Variants in CNGB3 observed in about 807,000 individuals in gnomAD.
CNGB3 encodes cyclic nucleotide gated channel subunit beta 3, also known as cyclic nucleotide-gated channel beta-3.
CNGB3 carries 86 observed loss-of-function variants against 92.8 expected under a neutral mutation model. That is an observed-to-expected ratio of 0.93 (90% CI 0.78 to 1.11). CNGB3 has a LOEUF of 1.11. Ranked by LOEUF, CNGB3 falls within the 50% of genes least tolerant of loss-of-function variation. The pLI is 0.00. For missense variants in CNGB3, 1,026 were observed against 956.8 expected (o/e 1.07, Z -0.95); for synonymous variants, 333 against 332.7 (o/e 1.00, Z -0.01).
chr8:86,681,756 T>G (rs1050976033), intron 3 of CNGB3, among the ~76,000 whole-genome samples: 6 of 152,216 alleles, frequency 3.9e-5, no homozygotes, highest in African/African-American at 1.4e-4. Flanking sequence ...AACATTAGAT[T>G]GGCTTCAGAT....
intron 7 of CNGB3, among the ~76,000 whole-genome samples, chr8:86,648,449 G>C (rs780223115): frequency 4.6e-5 from 7 of 151,198 alleles, no homozygotes; most frequent in South Asian, 2.1e-4. Flanking sequence ...CAGGCTGAGA[G>C]AGGAGAGCAA....
At chr8:86,710,085 T>G (rs1379077176) in intron 3 of CNGB3, among the ~76,000 whole-genome samples, 1 of 152,162 alleles carries the variant, frequency 6.6e-6, no homozygotes, top group African/African-American at 2.4e-5. Context: ...AATCTCTTCC[T>G]TTCTTGTAAA....
At chr8:86,653,649 A>G (rs1364452434) in intron 7 of CNGB3, among the ~76,000 whole-genome samples, 1 of 152,142 alleles carries the variant, frequency 6.6e-6, no homozygotes, top group Non-Finnish European at 1.5e-5. Flanking sequence ...AGAACAAGAA[A>G]GAAGCGGGAG....
chr8:86,624,397 C>A (rs1197851315), intron 13 of CNGB3, among the ~76,000 whole-genome samples: 1 of 152,142 alleles, frequency 6.6e-6, no homozygotes, highest in Non-Finnish European at 1.5e-5. Context: ...CCAGCCTGGA[C>A]AACAGAGCAA....
chr8:86,693,776 C>T (rs1391210404), intron 3 of CNGB3, among the ~76,000 whole-genome samples: 2 of 151,778 alleles, frequency 1.3e-5, no homozygotes, highest in Non-Finnish European at 2.9e-5. Context: ...GGTCACAGAT[C>T]AACAGGATCC....
chr8:86,615,218 A>G (rs2131570471), intron 13 of CNGB3, among the ~76,000 whole-genome samples: 1 of 152,270 alleles, frequency 6.6e-6, no homozygotes, highest in Non-Finnish European at 1.5e-5. Flanking sequence ...ATTTTTTTCA[A>G]TACTGAAAAA....
At chr8:86,597,811 C>A (rs1010975382) in intron 15 of CNGB3, among the ~76,000 whole-genome samples, 1 of 151,992 alleles carries the variant, frequency 6.6e-6, no homozygotes, top group African/African-American at 2.4e-5. Context: ...GAAACCCCGT[C>A]TCTACAAAAA....
intron 2 of CNGB3, among the ~76,000 whole-genome samples, chr8:86,728,081 C>T (rs907147369): frequency 3.3e-5 from 5 of 152,108 alleles, no homozygotes; most frequent in Non-Finnish European, 7.4e-5. Flanking sequence ...ATTCATTACG[C>T]ATCTCCTATC....
intron 3 of CNGB3, among the ~76,000 whole-genome samples, chr8:86,678,210 C>T (rs1173964977): frequency 6.6e-6 from 1 of 152,156 alleles, no homozygotes; most frequent in Non-Finnish European, 1.5e-5. Flanking sequence ...AAAAAAATCT[C>T]ACTTTACATA....
intron 3 of CNGB3, among the ~76,000 whole-genome samples, chr8:86,685,816 A>G (rs1020844681): frequency 3.3e-5 from 5 of 152,132 alleles, no homozygotes; most frequent in Non-Finnish European, 7.4e-5. Context: ...CTAGTCTTAT[A>G]ATGAATATCT....
intron 13 of CNGB3, among the ~76,000 whole-genome samples, chr8:86,623,066 T>C (rs1822772786): frequency 6.6e-6 from 1 of 152,200 alleles, no homozygotes; most frequent in Non-Finnish European, 1.5e-5. Context: ...TCTAATATTA[T>C]TGATTATATA....
intron 3 of CNGB3, among the ~76,000 whole-genome samples, chr8:86,717,464 G>A (rs1336978761): frequency 1.3e-5 from 2 of 151,570 alleles, no homozygotes; most frequent in African/African-American, 4.9e-5. Context: ...TGGGGAGACT[G>A]AGGCTGGAGA....
intron 3 of CNGB3, among the ~76,000 whole-genome samples, chr8:86,694,486 T>G (rs77645487): frequency 0.7 from 104,222 of 149,444 alleles, 36,859 homozygotes; most frequent in African/African-American, 0.84. Context: ...GGACGGAGGG[T>G]CTCCTCACTT....
At chr8:86,695,397 G>C (rs574621337) in intron 3 of CNGB3, among the ~76,000 whole-genome samples, 2 of 152,106 alleles carry the variant, frequency 1.3e-5, no homozygotes, top group Admixed American at 6.5e-5. Flanking sequence ...AGGTTAATTC[G>C]AAGGCCTTGT....
chr8:86,616,523 G>T (rs1399406894), intron 13 of CNGB3, among the ~76,000 whole-genome samples: 1 of 151,832 alleles, frequency 6.6e-6, no homozygotes, highest in Non-Finnish European at 1.5e-5. Flanking sequence ...TGATTAAAAA[G>T]AATTACATCC....
intron 3 of CNGB3, among the ~76,000 whole-genome samples, chr8:86,693,941 C>T (rs1436548980): frequency 4.6e-5 from 7 of 152,122 alleles, no homozygotes; most frequent in Admixed American, 6.5e-5. Context: ...CATCATGGCC[C>T]GTTCTCAATG....
chr8:86,699,882 T>C (rs1824519561), intron 3 of CNGB3, among the ~76,000 whole-genome samples: 1 of 152,156 alleles, frequency 6.6e-6, no homozygotes, highest in South Asian at 2.1e-4. Flanking sequence ...AAATACAGTT[T>C]ATTTCCTTTC....
intron 17 of CNGB3, among the ~76,000 whole-genome samples, chr8:86,576,709 C>G (rs1215706310): frequency 1.3e-5 from 2 of 152,134 alleles, no homozygotes; most frequent in Non-Finnish European, 2.9e-5. Flanking sequence ...ACACTATGCT[C>G]TTTACTGGTA....
At chr8:86,696,923 T>C (rs759060803) in intron 3 of CNGB3, among the ~76,000 whole-genome samples, 22 of 152,194 alleles carry the variant, frequency 1.4e-4, no homozygotes, top group Non-Finnish European at 2.4e-4. Context: ...TAATGAGTTA[T>C]AGTATATTAT....
Sources: gnomAD v4.1 joint callset for allele counts (sites outside exome capture counted in the v4.1 genomes callset) on GRCh38, gnomAD v4.1.1 for gene constraint, MANE v1.5 for transcripts, NCBI Gene and HGNC (gene_info 2026-07-23, HGNC 2026-07-21) for gene names.